Variants in VWA5B1 observed in about 807,000 individuals in gnomAD.
The protein encoded by VWA5B1 is von Willebrand factor A domain-containing protein 5B1.
VWA5B1 carries 115 observed loss-of-function variants against 118.2 expected under a neutral mutation model. The observed-to-expected ratio is 0.97, with a 90% CI of 0.84 to 1.14. The LOEUF (loss-of-function observed/expected upper bound fraction) is 1.14. Ranked by LOEUF, VWA5B1 falls within the 50% of genes most tolerant of loss-of-function variation. The probability of loss-of-function intolerance (pLI) is 0.00; values close to 1 mark genes in which losing one functional copy is unlikely to be tolerated. For missense variants in VWA5B1, 1,596 were observed against 1,603.8 expected (o/e 1.00, Z 0.08); for synonymous variants, 682 against 658.4 (o/e 1.04, Z -0.55).
intron 14 of VWA5B1, among the ~76,000 whole-genome samples, chr1:20,340,182 C>A (rs2089837228): frequency 6.7e-6 from 1 of 149,390 alleles, no homozygotes. Context: ...GCACACGCAA[C>A]ACACTTATAT....
rs368821386 is a variant in VWA5B1, at chr1:20,295,878, G to A, written c.-27+4790G>A. Among the ~76,000 whole-genome samples, 232 of 152,258 alleles carry A rather than the reference G, an allele frequency of 1.5e-3. 2 individuals are homozygous for A. The highest frequency in any genetic ancestry group is 0.014 in the Middle Eastern group (4 of 294). Reference sequence around the variant, plus strand: ...TGTGAGGTTGTAGGTTGTTTGGTTTGTTTGATGGAGTTTTGTTCTTGTTGC... The same window carrying A: ...TGTGAGGTTGTAGGTTGTTTGGTTTATTTGATGGAGTTTTGTTCTTGTTGC... On this transcript the variant is annotated intron_variant, in intron 1 of 21. Coordinates refer to ENST00000289815, the MANE Select transcript of VWA5B1 (RefSeq NM_001039500.3).
chr1:20,327,664 A>T (rs1005559136), intron 8 of VWA5B1, among the ~76,000 whole-genome samples: 3 of 144,802 alleles, frequency 2.1e-5, no homozygotes, highest in African/African-American at 7.6e-5. Context: ...GATGATGATG[A>T]TGGTGGTGGT....
At chr1:20,350,806 T>C in intron 19 of VWA5B1, 51 bp from the exon 20 acceptor site, 1 of 1,530,598 alleles carries the variant, frequency 6.5e-7, no homozygotes, top group Admixed American at 2.0e-5. Context: ...CAGTGAGCAG[T>C]TGGACGGGGT....
chr1:20,320,801 C>A (rs2089186353), intron 7 of VWA5B1, among the ~76,000 whole-genome samples: 1 of 152,184 alleles, frequency 6.6e-6, no homozygotes, highest in East Asian at 1.9e-4. Context: ...CCAACCCAGT[C>A]CCTCTGAGAG....
At chr1:20,348,764 A>G (rs12129639) in intron 18 of VWA5B1, among the ~76,000 whole-genome samples, 1,799 of 152,342 alleles carry the variant, frequency 0.012, 15 homozygotes, top group Non-Finnish European at 0.018. Flanking sequence ...GGGTCCCACC[A>G]TCTGTTTCTT....
chr1:20,358,582 T>A lies in VWA5B1; in HGVS notation c.*4319T>A, dbSNP rs1356227366. Among the ~76,000 whole-genome samples the A allele has an allele frequency of 6.6e-6, 1 of 152,026 alleles. No individual in the cohort carries two copies. The highest frequency in any genetic ancestry group is 2.4e-5 in the African/African-American group (1 of 41,392). ...TCATTCAGGGGTCCAAATGCCCAAA[T>A]GCACATCTCTCTATGTGCCCATTAT... On this transcript the variant is annotated 3_prime_UTR_variant, in exon 22 of 22. Transcript: ENST00000289815.
chr1:20,293,254 G>A (rs1388893958), intron 1 of VWA5B1, among the ~76,000 whole-genome samples: 1 of 151,122 alleles, frequency 6.6e-6, no homozygotes, highest in East Asian at 2.0e-4. Context: ...CACTCATTGC[G>A]GCTTTGCTCC....
intron 18 of VWA5B1, 82 bp downstream of exon 18, chr1:20,348,440 G>A (rs917979807): frequency 1.5e-5 from 21 of 1,381,718 alleles, no homozygotes; most frequent in Non-Finnish European, 2.1e-5. Context: ...CCTCCTGTCC[G>A]AGGCCCTAGG....
chr1:20,299,681 G>T (rs371489506), intron 1 of VWA5B1, among the ~76,000 whole-genome samples: 106 of 152,362 alleles, frequency 7.0e-4, no homozygotes, highest in African/African-American at 2.5e-3. Flanking sequence ...TGGGATTACA[G>T]GCGTGAGCCA....
chr1:20,337,622 T>C (rs1439314218), intron 13 of VWA5B1, 24 bp from the exon 14 acceptor site: 4 of 1,535,472 alleles, frequency 2.6e-6, no homozygotes, highest in Non-Finnish European at 1.8e-6. Context: ...ACTCTGATGG[T>C]TCCCCATCAC....
intron 7 of VWA5B1, among the ~76,000 whole-genome samples, chr1:20,321,399 A>G (rs899439990): frequency 6.6e-6 from 1 of 152,184 alleles, no homozygotes; most frequent in African/African-American, 2.4e-5. Flanking sequence ...ATCCTGGCCA[A>G]CATGGCGAAA....
chr1:20,352,570 A>G (rs181714530), intron 21 of VWA5B1, among the ~76,000 whole-genome samples: 1 of 152,312 alleles, frequency 6.6e-6, no homozygotes, highest in East Asian at 1.9e-4. Flanking sequence ...TCCCAGGGAC[A>G]TGGACTGTGT....
At chr1:20,334,637 C>A (rs1041861252) in intron 12 of VWA5B1, among the ~76,000 whole-genome samples, 6 of 151,910 alleles carry the variant, frequency 3.9e-5, no homozygotes, top group Non-Finnish European at 8.8e-5. Context: ...ATGGTGAAAC[C>A]CCATCTCTAC....
Position 20,319,379 on chromosome 1 carries a change from C to A in VWA5B1, c.842-3C>A. 6.4e-7 allele frequency: 1 copy of A among 1,551,734 alleles called. No homozygotes were observed. The highest frequency in any genetic ancestry group is 1.2e-5 in the South Asian group (1 of 84,052). On this transcript the variant is annotated splice_polypyrimidine_tract_variant and splice_region_variant and intron_variant, in intron 6 of 21. Coordinates refer to ENST00000289815, the MANE Select transcript of VWA5B1 (RefSeq NM_001039500.3). ...GTGCTGAAAGTCGATCTCATCTCTG[C>A]AGAGCCCCATATGCCCCATGTCCTG... is the stretch of plus-strand genomic sequence containing the variant.
rs1050381408 is a variant in VWA5B1, at chr1:20,357,625, G to A, written c.*3362G>A. Among the ~76,000 whole-genome samples, 7 of 152,166 alleles carry A rather than the reference G, an allele frequency of 4.6e-5. No individual in the cohort carries two copies. The highest frequency in any genetic ancestry group is 2.4e-5 in the African/African-American group (1 of 41,438). ...TACTGGGGTACCACAGTGAACATAC[G>A]AGGTGCTGTCCCTGTCCTTTTTGGA... On this transcript the variant is annotated 3_prime_UTR_variant, in exon 22 of 22. Transcript: ENST00000289815.
At position 20,357,661 on chromosome 1, in the gene VWA5B1, G is replaced by A. The variant is rs74056524; in HGVS notation, c.*3398G>A. On this transcript the variant is annotated 3_prime_UTR_variant, in exon 22 of 22. Coordinates refer to ENST00000289815, the MANE Select transcript of VWA5B1 (RefSeq NM_001039500.3). The stretch of plus-strand genomic sequence containing the variant: ...CCTGTCCTTTTTGGAGCTTGGCAAG[G>A]AGCATTTGAAGAGTCTCTGTTTCAT... Among the ~76,000 whole-genome samples, 278 of 152,258 alleles carry A rather than the reference G, an allele frequency of 1.8e-3. 1 individual carries two copies. Among genetic ancestry groups the A allele is most frequent in the African/African-American group, 6.5e-3 (269 of 41,550 alleles).
intron 1 of VWA5B1, among the ~76,000 whole-genome samples, chr1:20,306,394 T>C (rs577152440): frequency 1.0e-3 from 157 of 152,278 alleles, no homozygotes; most frequent in Non-Finnish European, 1.7e-3. Flanking sequence ...GTCACACAAC[T>C]GGATCCTTGT....
At chr1:20,310,525 G>A in intron 1 of VWA5B1, 51 bp from the exon 2 acceptor site, 1 of 1,427,726 alleles carries the variant, frequency 7.0e-7, no homozygotes, top group Non-Finnish European at 9.2e-7. Flanking sequence ...ACTAGGTTGA[G>A]GGGACCTGGG....
At chr1:20,326,648 T>C (rs1164201485) in intron 8 of VWA5B1, among the ~76,000 whole-genome samples, 1 of 152,044 alleles carries the variant, frequency 6.6e-6, no homozygotes, top group Non-Finnish European at 1.5e-5. Flanking sequence ...GTGTTTTTAG[T>C]AGAGACGGTT....
Sources: gnomAD v4.1 joint callset for allele counts (sites outside exome capture counted in the v4.1 genomes callset) on GRCh38, gnomAD v4.1.1 for gene constraint, MANE v1.5 for transcripts, NCBI Gene and HGNC (gene_info 2026-07-23, HGNC 2026-07-21) for gene names.